CNTNAP5: variants seen among roughly 807,000 people sequenced by gnomAD.
CNTNAP5 encodes the protein contactin associated protein family member 5.
CNTNAP5 carries 72 observed loss-of-function variants against 150.2 expected under a neutral mutation model. That is an observed-to-expected ratio of 0.48 (90% CI 0.40 to 0.58). The LOEUF is 0.58. Ranked by LOEUF, CNTNAP5 falls within the 20% of genes least tolerant of loss-of-function variation. The probability of loss-of-function intolerance (pLI) is 0.00; values close to 1 mark genes in which losing one functional copy is unlikely to be tolerated. For synonymous variants in CNTNAP5, 672 were observed against 619.8 expected (o/e 1.08, Z -1.25); for missense variants, 1,636 against 1,626.2 (o/e 1.01, Z -0.10).
At chr2:124,077,390 G>A (rs1682463890) in intron 1 of CNTNAP5, among the ~76,000 whole-genome samples, 1 of 152,150 alleles carries the variant, frequency 6.6e-6, no homozygotes. Context: ...TGATAAACTA[G>A]AGATAACTCC....
chr2:124,426,924 A>C (rs1419771584), intron 4 of CNTNAP5, among the ~76,000 whole-genome samples: 1 of 152,164 alleles, frequency 6.6e-6, no homozygotes, highest in Non-Finnish European at 1.5e-5. Context: ...GAGGTTGTGC[A>C]CTGTAGAGCC....
intron 11 of CNTNAP5, among the ~76,000 whole-genome samples, chr2:124,605,679 G>A (rs756760542): frequency 2.0e-4 from 31 of 151,630 alleles, no homozygotes; most frequent in Non-Finnish European, 2.4e-4. Flanking sequence ...AGCCAGATGC[G>A]GTGGTGTGTG....
At chr2:124,305,724 G>T (rs1006739578) in intron 3 of CNTNAP5, among the ~76,000 whole-genome samples, 1 of 152,048 alleles carries the variant, frequency 6.6e-6, no homozygotes, top group East Asian at 1.9e-4. Context: ...ATTCTCTCTT[G>T]CCTTTCTGCT....
intron 6 of CNTNAP5, among the ~76,000 whole-genome samples, chr2:124,468,590 T>G (rs1693435102): frequency 6.6e-6 from 1 of 152,122 alleles, no homozygotes; most frequent in Non-Finnish European, 1.5e-5. Context: ...TGTTAATCTC[T>G]TCTGGCAACA....
At chr2:124,677,771 A>C (rs1193621021) in intron 13 of CNTNAP5, among the ~76,000 whole-genome samples, 3 of 151,872 alleles carry the variant, frequency 2.0e-5, no homozygotes, top group Non-Finnish European at 4.4e-5. Flanking sequence ...CTAGACACAG[A>C]GTGCTGATTG....
intron 21 of CNTNAP5, among the ~76,000 whole-genome samples, chr2:124,881,186 A>G (rs538751625): frequency 3.3e-5 from 5 of 152,246 alleles, no homozygotes; most frequent in Admixed American, 1.3e-4. Flanking sequence ...AGCTGCTGTT[A>G]TCAGACTCTC....
intron 7 of CNTNAP5, among the ~76,000 whole-genome samples, chr2:124,486,172 G>C (rs1693876080): frequency 6.6e-6 from 1 of 152,198 alleles, no homozygotes; most frequent in Non-Finnish European, 1.5e-5. Flanking sequence ...TGGAATTAGA[G>C]ACTATTATTC....
intron 7 of CNTNAP5, among the ~76,000 whole-genome samples, chr2:124,485,020 C>A (rs1693839398): frequency 6.6e-6 from 1 of 152,086 alleles, no homozygotes; most frequent in African/African-American, 2.4e-5. Context: ...TCCATATAAG[C>A]CAGTTGGGCG....
At chr2:124,476,191 G>T (rs562745491) in intron 7 of CNTNAP5, among the ~76,000 whole-genome samples, 5 of 151,992 alleles carry the variant, frequency 3.3e-5, no homozygotes, top group African/African-American at 1.2e-4. Context: ...GTCTTAATTA[G>T]GCAATTATAT....
intron 19 of CNTNAP5, among the ~76,000 whole-genome samples, chr2:124,847,528 C>G (rs753207326): frequency 1.3e-5 from 2 of 152,116 alleles, no homozygotes; most frequent in Non-Finnish European, 2.9e-5. Context: ...GAGAACTTGC[C>G]CCAAACTATG....
intron 5 of CNTNAP5, among the ~76,000 whole-genome samples, chr2:124,442,316 C>T (rs538274480): frequency 2.5e-4 from 38 of 152,250 alleles, no homozygotes; most frequent in African/African-American, 8.9e-4. Context: ...CCGACATAAC[C>T]TACTACTAGA....
chr2:124,147,950 G>A (rs149953997), intron 1 of CNTNAP5, among the ~76,000 whole-genome samples: 19 of 152,296 alleles, frequency 1.2e-4, no homozygotes, highest in East Asian at 9.7e-4. Flanking sequence ...TAGCCTTTGC[G>A]AACACGATGC....
chr2:124,610,747 T>G (rs1405044035), intron 12 of CNTNAP5, among the ~76,000 whole-genome samples: 1 of 151,984 alleles, frequency 6.6e-6, no homozygotes, highest in Non-Finnish European at 1.5e-5. Context: ...GACCACGAGG[T>G]CAGGAGATCC....
intron 19 of CNTNAP5, among the ~76,000 whole-genome samples, chr2:124,841,452 C>T (rs1173587528): frequency 6.6e-6 from 1 of 151,434 alleles, no homozygotes; most frequent in Admixed American, 6.6e-5. Context: ...TCTTCTCCTT[C>T]TCATGGCTAA....
Position 124,160,524 on chromosome 2 carries a change from CTT to C in CNTNAP5, c.83-61170_83-61169del, listed in dbSNP as rs56208953. Among the ~76,000 whole-genome samples the C allele has an allele frequency of 8.3e-4, 122 of 146,984 alleles. 1 individual carries two copies. Among genetic ancestry groups the C allele is most frequent in the Admixed American group, 8.1e-4 (12 of 14,736 alleles). ...TCTCTCCAGTGTTTTCTGTCTTTGC[CTT>C]TTTTTTTTTTAAAGTTAAGAGCAAT... On this transcript the variant is annotated intron_variant, in intron 1 of 23. Transcript: ENST00000682447.
intron 13 of CNTNAP5, among the ~76,000 whole-genome samples, chr2:124,721,863 G>A (rs1055521000): frequency 1.3e-5 from 2 of 152,134 alleles, no homozygotes; most frequent in African/African-American, 4.8e-5. Context: ...CTCCAGGCTA[G>A]CAGTGCACAA....
intron 1 of CNTNAP5, among the ~76,000 whole-genome samples, chr2:124,077,538 G>A (rs1211279181): frequency 1.3e-5 from 2 of 152,174 alleles, no homozygotes; most frequent in Non-Finnish European, 2.9e-5. Context: ...AGTATATGTT[G>A]ACATAGGCCA....
At chr2:124,204,344 G>T (rs1685808593) in intron 1 of CNTNAP5, among the ~76,000 whole-genome samples, 1 of 152,140 alleles carries the variant, frequency 6.6e-6, no homozygotes, top group South Asian at 2.1e-4. Context: ...TCAGCATTTT[G>T]GTCAAAGCCA....
intron 1 of CNTNAP5, among the ~76,000 whole-genome samples, chr2:124,162,903 T>C (rs1414738336): frequency 1.3e-5 from 2 of 152,118 alleles, no homozygotes; most frequent in Admixed American, 6.6e-5. Flanking sequence ...CTAAACATCA[T>C]TAACCAAGTA....
Sources: allele counts gnomAD v4.1 joint callset (sites outside exome capture counted in the v4.1 genomes callset), GRCh38; gene constraint gnomAD v4.1.1; transcripts MANE v1.5; gene names NCBI Gene and HGNC (gene_info 2026-07-23, HGNC 2026-07-21).